The following AOPEP variants were observed in gnomAD, a reference collection of about 807,000 sequenced individuals.
The protein encoded by AOPEP is aminopeptidase O (putative).
A neutral mutation model predicts 98.1 loss-of-function variants in AOPEP; 77 were observed. The observed-to-expected ratio is 0.78, with a 90% CI of 0.65 to 0.95. AOPEP has a LOEUF of 0.95. Among genes scored for constraint, AOPEP ranks in the 40% least tolerant of loss-of-function variants. The pLI is 0.00. For missense variants in AOPEP, 1,024 were observed against 1,024.7 expected, an observed-to-expected ratio of 1.00 and a Z score of 0.01; for synonymous variants, 346 against 365.3, an observed-to-expected ratio of 0.95 and a Z score of 0.60.
At chr9:95,149,968 A>G in the AOPEP span, 1 of 1,612,468 alleles carries the variant, frequency 6.2e-7, no homozygotes, top group East Asian at 2.2e-5. Flanking sequence ...TGGCTGGAGG[A>G]TTTCCTGAGG....
chr9:95,015,730 C>T (rs1465276418), intron 13 of AOPEP, among the ~76,000 whole-genome samples: 1 of 152,190 alleles, frequency 6.6e-6, no homozygotes, highest in Non-Finnish European at 1.5e-5. Context: ...CATAAGCCCT[C>T]CTTCAGGCTG....
the AOPEP span, among the ~76,000 whole-genome samples, chr9:95,138,603 C>T: frequency 1.3e-5 from 2 of 152,202 alleles, no homozygotes. Context: ...ATCCATGTAA[C>T]ACGAATCTGT....
In AOPEP at chr9:94,930,838, T is replaced by C. The variant is rs1588948277; in HGVS notation, c.1661+2307T>C. ...TAACTGTAGGCTCTGTGAGAGGGGG[T>C]GTGTTGGCCCAGGAAGCGAGACTGG... is the stretch of plus-strand genomic sequence containing the variant. On this transcript the variant is annotated intron_variant, in intron 7 of 16. Coordinates refer to ENST00000375315, the MANE Select transcript of AOPEP (RefSeq NM_001193329.3). This position sits in a 1 kb window ranked among gnomAD's most constrained non-coding sequence, Gnocchi z 4.5. 6.7e-6 allele frequency among the ~76,000 whole-genome samples: 1 copy of C among 150,370 alleles called. No homozygotes were observed. Among genetic ancestry groups the C allele is most frequent in the Admixed American group, 6.6e-5 (1 of 15,074 alleles).
chr9:95,110,737 G>A, the AOPEP span: 5 of 1,093,866 alleles, frequency 4.6e-6, no homozygotes, highest in African/African-American at 6.5e-5. Context: ...ACTAAGATCA[G>A]CATAGAGCAC....
chr9:94,781,547 GT>G (rs10712686), intron 3 of AOPEP, among the ~76,000 whole-genome samples: 126,328 of 142,800 alleles, frequency 0.88, 56,587 homozygotes, highest in South Asian at 0.97. Flanking sequence ...TTTTTGTTTA[GT>G]TTTTTTTTTT....
chr9:94,940,563 C>T (rs953626530), intron 7 of AOPEP, among the ~76,000 whole-genome samples: 1 of 152,038 alleles, frequency 6.6e-6, no homozygotes, highest in African/African-American at 2.4e-5. Context: ...GACTGCACTC[C>T]AGCCTGGACA....
intron 1 of AOPEP, among the ~76,000 whole-genome samples, chr9:94,741,492 C>T (rs1833108387): frequency 6.6e-6 from 1 of 152,014 alleles, no homozygotes; most frequent in Non-Finnish European, 1.5e-5. Context: ...AGGATGGTCT[C>T]CATCTCCTGA....
At chr9:94,903,668 G>A (rs1309463525) in intron 5 of AOPEP, among the ~76,000 whole-genome samples, 7 of 151,488 alleles carry the variant, frequency 4.6e-5, no homozygotes, top group Non-Finnish European at 1.0e-4. Context: ...GGGTGTGGTG[G>A]CATGCACCTG....
intron 11 of AOPEP, among the ~76,000 whole-genome samples, chr9:94,994,185 C>T (rs1436210435): frequency 6.6e-6 from 1 of 152,212 alleles, no homozygotes; most frequent in Non-Finnish European, 1.5e-5. Context: ...TTCCTAGTCA[C>T]TGTCATTGGT....
the AOPEP span, among the ~76,000 whole-genome samples, chr9:95,097,986 G>T: frequency 6.6e-6 from 1 of 152,138 alleles, no homozygotes; most frequent in Non-Finnish European, 1.5e-5. Flanking sequence ...CCGAGCCCCC[G>T]GGCTGGGGGA....
At chr9:94,854,128 A>C (rs1297604533) in intron 5 of AOPEP, among the ~76,000 whole-genome samples, 1 of 152,222 alleles carries the variant, frequency 6.6e-6, no homozygotes, top group Non-Finnish European at 1.5e-5. Context: ...GTAAGAAAGG[A>C]CAAAAAGGAC....
chr9:94,868,203 T>A (rs1375400745), intron 5 of AOPEP, among the ~76,000 whole-genome samples: 1 of 152,232 alleles, frequency 6.6e-6, no homozygotes, highest in Non-Finnish European at 1.5e-5. Context: ...CAGGCCTGTG[T>A]CACTCATTCC....
intron 13 of AOPEP, among the ~76,000 whole-genome samples, chr9:95,025,926 G>A (rs902190904): frequency 2.0e-5 from 3 of 152,172 alleles, no homozygotes; most frequent in Non-Finnish European, 4.4e-5. Flanking sequence ...TAAGCTCCGA[G>A]TGGTTAAGCC....
At chr9:94,853,036 G>A (rs1370069403) in intron 5 of AOPEP, among the ~76,000 whole-genome samples, 1 of 152,184 alleles carries the variant, frequency 6.6e-6, no homozygotes, top group Non-Finnish European at 1.5e-5. Context: ...TAGAACTATA[G>A]TGACTAGGAC....
At chr9:94,957,634 G>C (rs2058555680) in intron 9 of AOPEP, among the ~76,000 whole-genome samples, 1 of 152,130 alleles carries the variant, frequency 6.6e-6, no homozygotes, top group African/African-American at 2.4e-5. Flanking sequence ...TTACAAGATT[G>C]TTCAACCGTC....
At chr9:95,097,493 G>C in the AOPEP span, among the ~76,000 whole-genome samples, 1 of 152,242 alleles carries the variant, frequency 6.6e-6, no homozygotes, top group East Asian at 1.9e-4. Context: ...TCTCCCGGCT[G>C]GAGTGGGGTC....
chr9:95,055,532 G>T (rs1011391553), intron 13 of AOPEP, among the ~76,000 whole-genome samples: 2 of 152,122 alleles, frequency 1.3e-5, no homozygotes, highest in African/African-American at 4.8e-5. Context: ...GTTCTGTCTC[G>T]TGTCCTGTAG....
intron 5 of AOPEP, among the ~76,000 whole-genome samples, chr9:94,802,324 A>G (rs1279863285): frequency 1.3e-5 from 2 of 152,112 alleles, no homozygotes; most frequent in Admixed American, 1.3e-4. Flanking sequence ...GCACTTCATG[A>G]GAATTGCAGT....
chr9:94,983,018 T>G (rs1203762993), intron 11 of AOPEP, among the ~76,000 whole-genome samples: 1 of 151,864 alleles, frequency 6.6e-6, no homozygotes, highest in Non-Finnish European at 1.5e-5. Context: ...TTGTTTTGTT[T>G]TGTTTTGTTT....
Sources: gnomAD v4.1 joint callset for allele counts (sites outside exome capture counted in the v4.1 genomes callset) on GRCh38, gnomAD v4.1.1 for gene constraint, Gnocchi (gnomAD v3.1) non-coding constraint, MANE v1.5 for transcripts, NCBI Gene and HGNC (gene_info 2026-07-23, HGNC 2026-07-21) for gene names.